Variants in KANSL3 observed in about 807,000 individuals in gnomAD.
KANSL3 encodes the protein KAT8 regulatory NSL complex subunit 3, also known as NSL complex protein NSL3.
KANSL3 carries 16 observed loss-of-function variants against 89.2 expected under a neutral mutation model. The ratio of observed to expected loss-of-function variants is 0.18; its 90% CI spans 0.12 to 0.27. KANSL3 has a LOEUF of 0.27. Among genes scored for constraint, KANSL3 ranks in the 10% least tolerant of loss-of-function variants. The pLI is 1.00. For missense variants in KANSL3, 879 were observed against 1,110.6 expected (o/e 0.79, Z 2.96); for synonymous variants, 385 against 419.7 (o/e 0.92, Z 1.01).
chr2:96,618,486 G>A (rs1043122872), intron 5 of KANSL3, among the ~76,000 whole-genome samples: 5 of 152,314 alleles, frequency 3.3e-5, no homozygotes, highest in East Asian at 1.9e-4. Flanking sequence ...TACTATGCCC[G>A]GCCGTGAGGC....
intron 5 of KANSL3, among the ~76,000 whole-genome samples, chr2:96,615,973 TC>T (rs999602306): frequency 6.6e-6 from 1 of 152,210 alleles, no homozygotes; most frequent in African/African-American, 2.4e-5. Context: ...GAGGCAATTT[TC>T]ATCTAAAGAT....
chr2:96,595,404 A>C lies in KANSL3; in HGVS notation c.*207T>G. Reference sequence around the variant, plus strand: ...TGGGGTTCCCAGGAACCAGATTTGCAGATCCTGGACGATGGTGCTTCCCTT... The same window carrying C: ...TGGGGTTCCCAGGAACCAGATTTGCCGATCCTGGACGATGGTGCTTCCCTT... On this transcript the variant is annotated 3_prime_UTR_variant, in exon 21 of 21. Transcript: ENST00000431828. 3.7e-6 allele frequency: 2 copies of C among 538,162 alleles called. No individual in the cohort carries two copies. The allele number at this position is 538,162 out of a possible 1,614,324, so 33.3% of individuals were successfully genotyped here. A position where few individuals can be genotyped will look rare whatever the true frequency, so the allele number is the denominator to read the frequency against.
intron 14 of KANSL3, chr2:96,606,914 A>G (rs2068067264): frequency 1.0e-6 from 1 of 953,102 alleles, no homozygotes; most frequent in Non-Finnish European, 1.5e-6. Context: ...GAAAATAAAT[A>G]AGGGGTTGAG....
intron 5 of KANSL3, among the ~76,000 whole-genome samples, chr2:96,614,778 G>GAAAA (rs1434133052): frequency 1.2e-4 from 8 of 67,064 alleles, no homozygotes; most frequent in South Asian, 5.0e-4. Context: ...TCAAAAAAAA[G>GAAAA]AAAAAAAAAA....
chr2:96,636,830 C>A (rs2074316636), intron 2 of KANSL3, 91 bp downstream of exon 2: 1 of 1,093,008 alleles, frequency 9.1e-7, no homozygotes, highest in African/African-American at 1.6e-5. Context: ...CATACAATCT[C>A]CCCCAGTCAA....
At chr2:96,631,837 A>C (rs2073441845) in intron 2 of KANSL3, among the ~76,000 whole-genome samples, 1 of 152,048 alleles carries the variant, frequency 6.6e-6, no homozygotes, top group African/African-American at 2.4e-5. Context: ...GCTTGAACTC[A>C]GGAGTTCAAG....
chr2:96,612,902 G>A lies in KANSL3; in HGVS notation c.828C>T (p.Ile276=), dbSNP rs144813186. ...CAGAGCTGGAGGGACCAGAGGAGGC[G>A]ATGAGAATCAGCGGAGAGCCAGGGA... ...SKLPGSPLIL[I]ASSGPSSSVF... The change falls in exon 7 of 21, where the codon ATC becomes ATT. Residue 276 remains isoleucine (I), a synonymous_variant. Coordinates refer to ENST00000431828, the MANE Select transcript of KANSL3 (RefSeq NM_001115016.3). 5.7e-6 allele frequency: 9 copies of A among 1,568,416 alleles called. No homozygotes were observed. The highest frequency in any genetic ancestry group is 2.7e-5 in the African/African-American group (2 of 74,042).
rs779819870 is a variant in KANSL3 at position 96,604,779 on chromosome 2, T to C, written c.2018A>G (p.Lys673Arg). The C allele has an allele frequency of 6.3e-7, 1 of 1,590,876 alleles. No individual in the cohort carries two copies. Among genetic ancestry groups the C allele is most frequent in the Non-Finnish European group, 8.6e-7 (1 of 1,168,090 alleles). ...KELTGLLTTAKSSSSEGGVSA... is the reference protein window; with the variant it reads ...KELTGLLTTARSSSSEGGVSA... ...CACAGATGGTCCAATAAACACTCAC[T>C]TGGCTGTGGTGAGAAGTCCTGTGAG... Residue 673 changes from lysine to arginine, a missense_variant and splice_region_variant, in exon 16 of 21, where the codon AAG becomes AGG. By Grantham distance (26) the Lys-to-Arg change is conservative. Around this residue, in one of 6 missense-constraint regions of KANSL3, gnomAD observed 317 missense variants for 311.2 expected, o/e 1.02. Coordinates refer to ENST00000431828, the MANE Select transcript of KANSL3 (RefSeq NM_001115016.3).
At chr2:96,601,861 C>G (rs2105029109) in intron 19 of KANSL3, 85 bp from the exon 20 acceptor site, 1 of 1,462,988 alleles carries the variant, frequency 6.8e-7, no homozygotes, top group Non-Finnish European at 9.0e-7. Context: ...AGCTTCTCCC[C>G]CACATAACAC....
chr2:96,609,990 C>T (rs1356222289), intron 11 of KANSL3, among the ~76,000 whole-genome samples: 2 of 107,804 alleles, frequency 1.9e-5, no homozygotes, highest in Non-Finnish European at 3.5e-5. Context: ...AGCTCAAGGT[C>T]GTGAAAGACA....
At chr2:96,590,991 AC>A (rs1206260692), downstream of KANSL3, among the ~76,000 whole-genome samples, 1 of 144,272 alleles carries the variant, frequency 6.9e-6, no homozygotes, top group Non-Finnish European at 1.5e-5. Context: ...GTCTCAAAAA[AC>A]AAAACAAAAC....
intron 1 of KANSL3, 35 bp from the exon 2 acceptor site, chr2:96,637,220 A>G (rs1318419597): frequency 1.3e-6 from 1 of 752,948 alleles, no homozygotes; most frequent in Admixed American, 2.8e-5. Flanking sequence ...GTCAATTCCA[A>G]TATCCTAAAT....
chr2:96,636,589 TGGG>T (rs759782521), intron 2 of KANSL3: 8 of 236,384 alleles, frequency 3.4e-5, no homozygotes, highest in Admixed American at 3.1e-4. Context: ...TCGTATCCTG[TGGG>T]TAATCTTTTA....
At chr2:96,634,834 T>G (rs537159928) in intron 2 of KANSL3, among the ~76,000 whole-genome samples, 2 of 152,334 alleles carry the variant, frequency 1.3e-5, no homozygotes, top group African/African-American at 4.8e-5. Flanking sequence ...AGAGAACTCT[T>G]GATTTCACCA....
At chr2:96,586,595 T>G in the KANSL3 span, among the ~76,000 whole-genome samples, 1 of 152,238 alleles carries the variant, frequency 6.6e-6, no homozygotes, top group South Asian at 2.1e-4. Flanking sequence ...GTTTTTTATT[T>G]CATTTTCCTT....
chr2:96,584,848 T>G, the KANSL3 span, among the ~76,000 whole-genome samples: 1 of 152,064 alleles, frequency 6.6e-6, no homozygotes, highest in Non-Finnish European at 1.5e-5. Flanking sequence ...CCAACGAGTC[T>G]TTGTGTGTCA....
rs1422868520 is a variant in KANSL3 at position 96,595,411 on chromosome 2, G to C, written c.*200C>G. The C allele has an allele frequency of 5.4e-6, 3 of 552,340 alleles. No homozygotes were observed. The highest frequency in any genetic ancestry group is 1.9e-5 in the African/African-American group (1 of 52,706). 34.2% of individuals were successfully genotyped at this position (552,340 alleles called of 1,614,324 possible). ...CCCAGGAACCAGATTTGCAGATCCT[G>C]GACGATGGTGCTTCCCTTGCTGGCA... On this transcript the variant is annotated 3_prime_UTR_variant, in exon 21 of 21. Transcript: ENST00000431828.
chr2:96,603,887 A>G (rs1213533840), intron 17 of KANSL3: 1 of 169,114 alleles, frequency 5.9e-6, no homozygotes, highest in Non-Finnish European at 1.3e-5. Context: ...CATATAAGGG[A>G]CTTGAGCATC....
At position 96,595,475 on chromosome 2, in the gene KANSL3, G is replaced by T; in HGVS notation, c.*136C>A. On this transcript the variant is annotated 3_prime_UTR_variant, in exon 21 of 21. Coordinates refer to ENST00000431828, the MANE Select transcript of KANSL3 (RefSeq NM_001115016.3). Reference sequence around the variant, plus strand: ...CCTAATGGTTTCTCTGAAGACAGTTGGCGGAGAGGCAAAAATGACTGTCTT... The same window carrying T: ...CCTAATGGTTTCTCTGAAGACAGTTTGCGGAGAGGCAAAAATGACTGTCTT... 1 of 774,992 alleles carries T rather than the reference G, an allele frequency of 1.3e-6. No homozygotes were observed. Among genetic ancestry groups the T allele is most frequent in the Non-Finnish European group, 2.1e-6 (1 of 480,944 alleles). The allele number at this position is 774,992 out of a possible 1,614,324, so 48.0% of individuals were successfully genotyped here. A position where few individuals can be genotyped will look rare whatever the true frequency, so the allele number is the denominator to read the frequency against.
Sources: allele counts gnomAD v4.1 joint callset (sites outside exome capture counted in the v4.1 genomes callset), GRCh38; gene constraint gnomAD v4.1.1; regional missense constraint gnomAD v4.1.1; transcripts MANE v1.5; gene names NCBI Gene and HGNC (gene_info 2026-07-23, HGNC 2026-07-21).